Variants in ANKRD30B observed in about 807,000 individuals in gnomAD.
ANKRD30B encodes the protein ankyrin repeat domain-containing protein 30B.
Under a neutral mutation model 202.2 loss-of-function variants are expected in ANKRD30B, and 144 were observed. The ratio of observed to expected loss-of-function variants is 0.71; its 90% CI spans 0.62 to 0.82. The LOEUF is 0.82. Among genes scored for constraint, ANKRD30B ranks in the 40% least tolerant of loss-of-function variants. The pLI is 0.00. For synonymous variants in ANKRD30B, 508 were observed against 561.3 expected (o/e 0.91, Z 1.34); for missense variants, 1,487 against 1,669.1 (o/e 0.89, Z 1.90).
chr18:14,925,757 C>G, the ANKRD30B span, among the ~76,000 whole-genome samples: 1 of 152,164 alleles, frequency 6.6e-6, no homozygotes, highest in Non-Finnish European at 1.5e-5. Context: ...GGAATCAGAG[C>G]TCCACCTTGC....
At chr18:14,833,256 T>C (rs1417634077) in intron 34 of ANKRD30B, among the ~76,000 whole-genome samples, 1 of 151,918 alleles carries the variant, frequency 6.6e-6, no homozygotes, top group Non-Finnish European at 1.5e-5. Context: ...TTCTTTTTTT[T>C]TTCTTTTTTG....
At chr18:14,778,711 G>C (rs1286324850) in intron 10 of ANKRD30B, among the ~76,000 whole-genome samples, 1 of 152,222 alleles carries the variant, frequency 6.6e-6, no homozygotes, top group Non-Finnish European at 1.5e-5. Flanking sequence ...AATGCATGCT[G>C]TGATTCAGCA....
At chr18:14,799,026 T>G (rs183900475) in intron 20 of ANKRD30B, 75 bp from the exon 21 acceptor site, 1 of 1,353,456 alleles carries the variant, frequency 7.4e-7, no homozygotes, top group East Asian at 2.3e-5. Flanking sequence ...CGTCTTCATA[T>G]TCACACTCTA....
the ANKRD30B span, among the ~76,000 whole-genome samples, chr18:14,862,108 C>A: frequency 6.6e-6 from 1 of 151,664 alleles, no homozygotes; most frequent in Non-Finnish European, 1.5e-5. Context: ...ACATAACATA[C>A]CAAAACGTCT....
the ANKRD30B span, among the ~76,000 whole-genome samples, chr18:14,934,453 G>C: frequency 6.6e-6 from 1 of 152,218 alleles, no homozygotes; most frequent in African/African-American, 2.4e-5. Context: ...TCAGTCCACT[G>C]CTCCTCCTTC....
At chr18:14,856,005 T>G (rs1373601792), downstream of ANKRD30B, among the ~76,000 whole-genome samples, 10 of 105,002 alleles carry the variant, frequency 9.5e-5, no homozygotes, top group Admixed American at 1.9e-4. Flanking sequence ...CCTCCCAGAC[T>G]GGGCGGCCAG....
chr18:14,908,753 A>G, the ANKRD30B span, among the ~76,000 whole-genome samples: 1 of 152,140 alleles, frequency 6.6e-6, no homozygotes, highest in African/African-American at 2.4e-5. Flanking sequence ...TGGAGGGGCC[A>G]ATGCTGGGAG....
intron 15 of ANKRD30B, among the ~76,000 whole-genome samples, chr18:14,789,982 G>C (rs1028747260): frequency 1.3e-5 from 2 of 152,178 alleles, no homozygotes; most frequent in Non-Finnish European, 2.9e-5. Flanking sequence ...TACTTGGGCA[G>C]TATGGCCATT....
the ANKRD30B span, among the ~76,000 whole-genome samples, chr18:14,860,671 C>G: frequency 1.3e-5 from 2 of 151,304 alleles, no homozygotes; most frequent in East Asian, 3.9e-4. Context: ...TGGGGCCTAG[C>G]GTTAGTCTTC....
At chr18:14,870,056 G>A in the ANKRD30B span, among the ~76,000 whole-genome samples, 18 of 152,270 alleles carry the variant, frequency 1.2e-4, no homozygotes, top group South Asian at 8.3e-4. Flanking sequence ...TGCCGGTCTC[G>A]AACTCCTCAC....
the ANKRD30B span, among the ~76,000 whole-genome samples, chr18:14,895,696 G>A: frequency 6.6e-6 from 1 of 152,162 alleles, no homozygotes; most frequent in East Asian, 1.9e-4. Flanking sequence ...CAATAAAAAG[G>A]TATTGAGCTG....
At chr18:14,865,368 C>T in the ANKRD30B span, among the ~76,000 whole-genome samples, 1 of 151,360 alleles carries the variant, frequency 6.6e-6, no homozygotes, top group South Asian at 2.1e-4. Context: ...CTCTTTTCTC[C>T]TTCCACTTGT....
At chr18:14,763,540 A>G (rs1915594021) in intron 6 of ANKRD30B, 146 bp from the exon 7 acceptor site, 2 of 1,172,670 alleles carry the variant, frequency 1.7e-6, no homozygotes, top group Non-Finnish European at 1.2e-6. Flanking sequence ...ACAGAGCAAG[A>G]CTCCATCAAA....
the ANKRD30B span, chr18:14,890,200 T>G: frequency 1.7e-6 from 1 of 574,864 alleles, no homozygotes; most frequent in Non-Finnish European, 3.1e-6. Flanking sequence ...TTTAAAATTT[T>G]TAATGTGATT....
downstream of ANKRD30B, among the ~76,000 whole-genome samples, chr18:14,856,439 C>G (rs1972110364): frequency 7.1e-6 from 1 of 139,882 alleles, no homozygotes; most frequent in Non-Finnish European, 1.6e-5. Context: ...GGCAGAGGCG[C>G]TCCTCAACTG....
At chr18:14,776,833 A>T (rs1967386505) in intron 9 of ANKRD30B, among the ~76,000 whole-genome samples, 1 of 152,200 alleles carries the variant, frequency 6.6e-6, no homozygotes, top group Non-Finnish European at 1.5e-5. Context: ...CTTTTATTCA[A>T]GCAGTTCTGT....
At position 14,760,777 on chromosome 18, in the gene ANKRD30B, TTTGA is replaced by T. The variant is rs535811569; in HGVS notation, c.820+162_820+165del. 1.8e-3 allele frequency among the ~76,000 whole-genome samples: 270 copies of T among 152,272 alleles called. 1 individual carries two copies. Among genetic ancestry groups the T allele is most frequent in the African/African-American group, 6.0e-3 (250 of 41,558 alleles). ...GTGTGTATATATATGTATACATAGCTTTGATTTATTTTTTAAATTTATTATTCAG... is the reference window on the plus strand; with the variant it reads ...GTGTGTATATATATGTATACATAGCTTTTATTTTTTAAATTTATTATTCAG... On this transcript the variant is annotated intron_variant, in intron 6 of 43. Coordinates refer to ENST00000690538, the MANE Select transcript of ANKRD30B (RefSeq NM_001367607.2).
chr18:14,789,691 A>T (rs1447674074), intron 15 of ANKRD30B, among the ~76,000 whole-genome samples: 1 of 152,190 alleles, frequency 6.6e-6, no homozygotes, highest in Non-Finnish European at 1.5e-5. Flanking sequence ...GTCAAAGATC[A>T]GATAGTTCTA....
chr18:14,913,751 G>T, the ANKRD30B span, among the ~76,000 whole-genome samples: 1 of 152,134 alleles, frequency 6.6e-6, no homozygotes, highest in Non-Finnish European at 1.5e-5. Context: ...TGGGGTGAGG[G>T]TTTGTCCAAG....
Sources: gnomAD v4.1 joint callset for allele counts (sites outside exome capture counted in the v4.1 genomes callset) on GRCh38, gnomAD v4.1.1 for gene constraint, MANE v1.5 for transcripts, NCBI Gene and HGNC (gene_info 2026-07-23, HGNC 2026-07-21) for gene names.